The following LINGO2 variants were observed in gnomAD, a reference collection of about 807,000 sequenced individuals.
LINGO2 encodes leucine rich repeat and Ig domain containing 2.
A neutral mutation model predicts 30.6 loss-of-function variants in LINGO2; 14 were observed. The observed-to-expected ratio is 0.46, with a 90% CI of 0.30 to 0.72. The LOEUF (loss-of-function observed/expected upper bound fraction) is 0.72. Among genes scored for constraint, LINGO2 ranks in the 30% least tolerant of loss-of-function variants. LINGO2 has a pLI of 0.07. For missense variants in LINGO2, 729 were observed against 751.7 expected, an observed-to-expected ratio of 0.97 and a Z score of 0.35; for synonymous variants, 317 against 288.5, an observed-to-expected ratio of 1.10 and a Z score of -1.00.
intron 4 of LINGO2, among the ~76,000 whole-genome samples, chr9:28,172,252 G>A (rs1404951072): frequency 3.4e-5 from 5 of 149,008 alleles, no homozygotes; most frequent in Admixed American, 1.3e-4. Flanking sequence ...TTAGCCGGGC[G>A]TAGTGGCGGG....
chr9:28,647,570 C>T (rs1389928546), intron 1 of LINGO2, among the ~76,000 whole-genome samples: 1 of 151,936 alleles, frequency 6.6e-6, no homozygotes, highest in Non-Finnish European at 1.5e-5. Context: ...TGGATCTATA[C>T]TTTTATATAC....
the LINGO2 span, among the ~76,000 whole-genome samples, chr9:28,965,765 T>A: frequency 6.6e-6 from 1 of 152,106 alleles, no homozygotes; most frequent in Non-Finnish European, 1.5e-5. Flanking sequence ...AAAATGGTAG[T>A]AATGATTGAT....
the LINGO2 span, among the ~76,000 whole-genome samples, chr9:29,021,429 G>A: frequency 2.0e-5 from 3 of 152,054 alleles, no homozygotes; most frequent in Non-Finnish European, 4.4e-5. Context: ...GAGGCGATGC[G>A]GGCGGATCAT....
At chr9:28,107,945 T>G (rs1181192620) in intron 4 of LINGO2, among the ~76,000 whole-genome samples, 1 of 152,138 alleles carries the variant, frequency 6.6e-6, no homozygotes. Context: ...ACTTCACTTT[T>G]CAGGACATAG....
intron 4 of LINGO2, among the ~76,000 whole-genome samples, chr9:28,059,343 C>A (rs1363224593): frequency 6.6e-6 from 1 of 152,088 alleles, no homozygotes; most frequent in South Asian, 2.1e-4. Flanking sequence ...AACCTCCATA[C>A]ACTAGTGATG....
the LINGO2 span, among the ~76,000 whole-genome samples, chr9:28,999,305 G>A: frequency 6.6e-6 from 1 of 152,038 alleles, no homozygotes; most frequent in African/African-American, 2.4e-5. Flanking sequence ...TGTCAGACAT[G>A]TAAGCTTCAT....
the LINGO2 span, among the ~76,000 whole-genome samples, chr9:29,122,502 T>C: frequency 1.3e-5 from 2 of 152,076 alleles, no homozygotes; most frequent in African/African-American, 4.8e-5. Flanking sequence ...TGTGTTAAGA[T>C]AGCATCACGT....
rs1241275940 is a variant in LINGO2 at position 28,529,020 on chromosome 9, T to C, written c.-364-52995A>G. Among the ~76,000 whole-genome samples the C allele has an allele frequency of 4.6e-5, 7 of 152,114 alleles. No homozygotes were observed. In the East Asian group the frequency reaches 1.2e-3, roughly 25 times the overall value. ...GTATTCTTCCTAGACTTAACCTGAG[T>C]ATTAGTTAGAATAATTCTAAAGCAG... On this transcript the variant is annotated intron_variant, in intron 1 of 5. Coordinates refer to ENST00000379992, the Ensembl canonical transcript of LINGO2.
intron 4 of LINGO2, among the ~76,000 whole-genome samples, chr9:28,085,795 T>C (rs921893285): frequency 3.3e-5 from 5 of 152,062 alleles, no homozygotes; most frequent in African/African-American, 1.2e-4. Context: ...AAGAATAGTG[T>C]GTGGTTAACA....
At chr9:28,141,731 A>T (rs188768967) in intron 4 of LINGO2, among the ~76,000 whole-genome samples, 1 of 152,234 alleles carries the variant, frequency 6.6e-6, no homozygotes, top group East Asian at 1.9e-4. Context: ...CTTGGGCAAC[A>T]TCATGAAACA....
the LINGO2 span, among the ~76,000 whole-genome samples, chr9:28,675,558 G>T: frequency 1.3e-5 from 2 of 151,906 alleles, no homozygotes; most frequent in Non-Finnish European, 2.9e-5. Context: ...TTAATATTAA[G>T]TTTTAAATAT....
chr9:28,663,436 G>C (rs1252357531), intron 1 of LINGO2, among the ~76,000 whole-genome samples: 1 of 152,148 alleles, frequency 6.6e-6, no homozygotes, highest in Admixed American at 6.5e-5. Context: ...CTCCAAAAGT[G>C]CTGGGATTAC....
chr9:28,190,445 AGGAGGTGG>A (rs1819781490), intron 4 of LINGO2, among the ~76,000 whole-genome samples: 1 of 152,140 alleles, frequency 6.6e-6, no homozygotes, highest in South Asian at 2.1e-4. Context: ...TAATGGTATT[AGGAGGTGG>A]GGCCATTGAG....
At chr9:28,351,739 C>T (rs1403607957) in intron 3 of LINGO2, among the ~76,000 whole-genome samples, 1 of 151,992 alleles carries the variant, frequency 6.6e-6, no homozygotes, top group Non-Finnish European at 1.5e-5. Context: ...AACATTGGTG[C>T]AAAAATCCTC....
At chr9:28,291,195 G>A (rs1482478118) in intron 4 of LINGO2, among the ~76,000 whole-genome samples, 1 of 152,040 alleles carries the variant, frequency 6.6e-6, no homozygotes, top group Non-Finnish European at 1.5e-5. Context: ...TTAGTGTTGG[G>A]GTTCCCAAGG....
chr9:28,972,668 C>T, the LINGO2 span, among the ~76,000 whole-genome samples: 1 of 152,216 alleles, frequency 6.6e-6, no homozygotes, highest in East Asian at 1.9e-4. Context: ...TATTGGGAGA[C>T]TCGGTAATTT....
intron 4 of LINGO2, among the ~76,000 whole-genome samples, chr9:28,181,146 C>A (rs76089296): frequency 0.019 from 2,876 of 152,162 alleles, 97 homozygotes; most frequent in African/African-American, 0.064. Context: ...GTACAGGAAG[C>A]CTGCTAGTCT....
chr9:28,778,420 T>C, the LINGO2 span, among the ~76,000 whole-genome samples: 67,384 of 151,884 alleles, frequency 0.44, 17,590 homozygotes, highest in Middle Eastern at 0.67. Flanking sequence ...GTAAGGTTCG[T>C]TGCCAACTTT....
chr9:28,046,949 T>C (rs1454053300), intron 4 of LINGO2, among the ~76,000 whole-genome samples: 1 of 152,064 alleles, frequency 6.6e-6, no homozygotes, highest in African/African-American at 2.4e-5. Context: ...ATTTGAGAAG[T>C]TGTAGCACAG....
Sources: allele counts gnomAD v4.1 joint callset (sites outside exome capture counted in the v4.1 genomes callset), GRCh38; gene constraint gnomAD v4.1.1; transcripts MANE v1.5; gene names NCBI Gene and HGNC (gene_info 2026-07-23, HGNC 2026-07-21).